Variants in HHLA2 observed in about 807,000 individuals in gnomAD.
The protein encoded by HHLA2 is HERV-H LTR-associating protein 2.
A neutral mutation model predicts 45.9 loss-of-function variants in HHLA2; 48 were observed. The ratio of observed to expected loss-of-function variants is 1.05; its 90% CI spans 0.83 to 1.33. The LOEUF is 1.33. HHLA2 is among the 40% of genes most tolerant of loss of function. The pLI is 0.00. For synonymous variants in HHLA2, 161 were observed against 173.9 expected (o/e 0.93, Z 0.59); for missense variants, 462 against 494.3 (o/e 0.93, Z 0.62).
At chr3:108,361,448 C>T (rs1183034187) in intron 7 of HHLA2, among the ~76,000 whole-genome samples, 1 of 152,004 alleles carries the variant, frequency 6.6e-6, no homozygotes. Context: ...GATCAAGTAA[C>T]CCTTATTTTA....
chr3:108,353,455 T>C, exon 5 of HHLA2: 1 of 1,591,272 alleles, frequency 6.3e-7, no homozygotes, highest in Non-Finnish European at 8.6e-7. Flanking sequence ...TCTTCATTTA[T>C]GTTCCTATGA....
intron 6 of HHLA2, 69 bp from the exon 6 acceptor site, chr3:108,357,775 A>C: frequency 1.5e-6 from 2 of 1,290,648 alleles, no homozygotes; most frequent in East Asian, 4.6e-5. Context: ...CTGCTTTCTA[A>C]GTGTAACTTA....
At chr3:108,316,777 G>A (rs2081110203) in intron 2 of HHLA2, among the ~76,000 whole-genome samples, 1 of 152,032 alleles carries the variant, frequency 6.6e-6, no homozygotes, top group Non-Finnish European at 1.5e-5. Context: ...CACGCTTTAG[G>A]CCCTATTTTT....
chr3:108,344,388 T>C (rs574029064), intron 3 of HHLA2, among the ~76,000 whole-genome samples: 1 of 152,246 alleles, frequency 6.6e-6, no homozygotes, highest in Non-Finnish European at 1.5e-5. Context: ...ATAACTGATT[T>C]TTTTTCATCT....
chr3:108,352,413 C>A (rs1334898261), intron 4 of HHLA2, among the ~76,000 whole-genome samples: 1 of 152,060 alleles, frequency 6.6e-6, no homozygotes, highest in Admixed American at 6.6e-5. Flanking sequence ...TAGAAAGAGC[C>A]CCAGAAGGGA....
At chr3:108,324,415 T>A (rs1487721852) in intron 2 of HHLA2, among the ~76,000 whole-genome samples, 1 of 152,164 alleles carries the variant, frequency 6.6e-6, no homozygotes, top group Non-Finnish European at 1.5e-5. Context: ...CTTTTAATAT[T>A]TTTGTGAAAA....
chr3:108,353,727 A>G lies in HHLA2; in HGVS notation c.365A>G (p.Tyr122Cys), dbSNP rs1442123386. The G allele has an allele frequency of 3.1e-6, 5 of 1,613,378 alleles. No homozygotes were observed. The highest frequency in any genetic ancestry group is 1.7e-5 in the Admixed American group (1 of 59,892). Residue 122 changes from tyrosine to cysteine, a missense_variant, in exon 5 of 11, where the codon TAT becomes TGT. Coordinates refer to ENST00000619531, the Ensembl canonical transcript of HHLA2. ...CTGGACGAAGGAATTTACACCTGCT[A>G]TGTAGGAACAGCAATTCAAGTGATT... is the stretch of plus-strand genomic sequence containing the variant.
At chr3:108,334,244 T>C (rs1394230428) in intron 3 of HHLA2, among the ~76,000 whole-genome samples, 2 of 152,182 alleles carry the variant, frequency 1.3e-5, no homozygotes, top group Non-Finnish European at 2.9e-5. Flanking sequence ...AGATTAAACA[T>C]GGAATCTTTG....
intron 7 of HHLA2, among the ~76,000 whole-genome samples, chr3:108,358,465 G>A (rs933512412): frequency 3.3e-5 from 5 of 152,116 alleles, no homozygotes; most frequent in Non-Finnish European, 5.9e-5. Context: ...GCTCACTGCT[G>A]TGCCTAATAT....
exon 6 of HHLA2, chr3:108,355,250 A>C: frequency 6.2e-7 from 1 of 1,613,914 alleles, no homozygotes; most frequent in Non-Finnish European, 8.5e-7. Context: ...AACAACATGG[A>C]AGAAACAGGG....
intron 8 of HHLA2, among the ~76,000 whole-genome samples, chr3:108,367,425 G>C (rs1349586022): frequency 6.6e-6 from 1 of 152,040 alleles, no homozygotes; most frequent in Non-Finnish European, 1.5e-5. Context: ...AAAGGAGCAT[G>C]TTCTAACCCA....
chr3:108,354,796 T>C lies in HHLA2; in HGVS notation c.419-319T>C, dbSNP rs1188761255. 2.6e-5 allele frequency among the ~76,000 whole-genome samples: 4 copies of C among 152,198 alleles called. No homozygotes were observed. The East Asian group carries it at 7.7e-4, about 29-fold the overall frequency. ...AGAGTGCCGCATGAACTCTACTTTA[T>C]AGACTTAGACATCCTCATTTTGGTT... is the stretch of plus-strand genomic sequence containing the variant. On this transcript the variant is annotated intron_variant, in intron 5 of 10. Transcript: ENST00000619531.
intron 1 of HHLA2, among the ~76,000 whole-genome samples, chr3:108,309,467 G>C (rs2080982403): frequency 6.6e-6 from 1 of 152,052 alleles, no homozygotes; most frequent in African/African-American, 2.4e-5. Context: ...TGTTCTGTTT[G>C]CTTAGGATGG....
chr3:108,299,736 C>G (rs1560174832), intron 1 of HHLA2, among the ~76,000 whole-genome samples: 1 of 152,140 alleles, frequency 6.6e-6, no homozygotes, highest in South Asian at 2.1e-4. Context: ...TATTTCAGAC[C>G]CATAAAGGTA....
intron 8 of HHLA2, among the ~76,000 whole-genome samples, chr3:108,369,375 C>T (rs2082125407): frequency 6.6e-6 from 1 of 152,114 alleles, no homozygotes; most frequent in Admixed American, 6.5e-5. Context: ...GTCTACAGCT[C>T]CCAGCGTGAG....
At chr3:108,319,224 T>C (rs79185333) in intron 2 of HHLA2, among the ~76,000 whole-genome samples, 2 of 151,954 alleles carry the variant, frequency 1.3e-5, no homozygotes, top group African/African-American at 2.4e-5. Context: ...TTTTTTTTTT[T>C]CTCACACCAC....
At chr3:108,377,308 A>G (rs1444674157) in exon 11 of HHLA2, 2 of 1,551,258 alleles carry the variant, frequency 1.3e-6, no homozygotes, top group East Asian at 4.5e-5. Context: ...ACAACTCATG[A>G]CCTGCATCCT....
At chr3:108,356,375 T>A (rs530823283) in intron 6 of HHLA2, among the ~76,000 whole-genome samples, 2 of 152,224 alleles carry the variant, frequency 1.3e-5, no homozygotes, top group Admixed American at 1.3e-4. Flanking sequence ...TCTGTCAGTC[T>A]CCCTTATAGG....
chr3:108,318,691 C>T (rs1330182996), intron 2 of HHLA2, among the ~76,000 whole-genome samples: 1 of 152,104 alleles, frequency 6.6e-6, no homozygotes, highest in Non-Finnish European at 1.5e-5. Flanking sequence ...AGAAACAATA[C>T]TAACATTTTA....
Sources: allele counts gnomAD v4.1 joint callset (sites outside exome capture counted in the v4.1 genomes callset), GRCh38; gene constraint gnomAD v4.1.1; transcripts MANE v1.5; gene names NCBI Gene and HGNC (gene_info 2026-07-23, HGNC 2026-07-21).